DLEU7: variants seen among roughly 807,000 people sequenced by gnomAD.
DLEU7 encodes leukemia-associated protein 7.
A neutral mutation model predicts 16.0 loss-of-function variants in DLEU7; 17 were observed. That is an observed-to-expected ratio of 1.06 (90% confidence interval 0.73 to 1.59). DLEU7 has a LOEUF of 1.59. DLEU7 is among the 40% of genes most tolerant of loss of function. The probability of loss-of-function intolerance (pLI) is 0.00; values close to 1 mark genes in which losing one functional copy is unlikely to be tolerated. For synonymous variants in DLEU7, 113 were observed against 139.8 expected (o/e 0.81, Z 1.35); for missense variants, 308 against 314.9 (o/e 0.98, Z 0.17).
At chr13:50,763,451 G>T (rs562337582) in intron 1 of DLEU7, among the ~76,000 whole-genome samples, 1 of 152,312 alleles carries the variant, frequency 6.6e-6, no homozygotes, top group Non-Finnish European at 1.5e-5. Context: ...AGCCTGTGCA[G>T]ATGGAAGAAG....
intron 1 of DLEU7, among the ~76,000 whole-genome samples, chr13:50,781,631 A>G (rs1875650140): frequency 6.6e-6 from 1 of 152,154 alleles, no homozygotes; most frequent in Non-Finnish European, 1.5e-5. Context: ...AGCCCTTTTT[A>G]TGGCTCCTTA....
chr13:50,745,356 TAGTC>T (rs1213613746), intron 1 of DLEU7, among the ~76,000 whole-genome samples: 3 of 152,162 alleles, frequency 2.0e-5, no homozygotes, highest in Non-Finnish European at 2.9e-5. Context: ...GAAGTTAACA[TAGTC>T]AGATTTGCTG....
At chr13:50,727,609 A>G (rs536216211) in intron 1 of DLEU7, among the ~76,000 whole-genome samples, 7 of 152,012 alleles carry the variant, frequency 4.6e-5, no homozygotes, top group Non-Finnish European at 1.0e-4. Flanking sequence ...ACATCCCCCT[A>G]AGGCCTGGGC....
chr13:50,741,442 G>T (rs1874247094), intron 1 of DLEU7, among the ~76,000 whole-genome samples: 1 of 152,142 alleles, frequency 6.6e-6, no homozygotes, highest in Admixed American at 6.5e-5. Context: ...CTCTTGGGCT[G>T]GGCCCCAGGA....
intron 1 of DLEU7, among the ~76,000 whole-genome samples, chr13:50,738,981 A>G (rs1461261118): frequency 7.7e-6 from 1 of 129,824 alleles, no homozygotes; most frequent in Non-Finnish European, 1.5e-5. Flanking sequence ...ACACACACAC[A>G]CACACACACA....
rs201975974 is a variant in DLEU7, at chr13:50,798,249, C to T, written c.459+44939G>A. On this transcript the variant is annotated intron_variant, in intron 1 of 1. Coordinates refer to the DLEU7 transcript ENST00000400393. Reference sequence around the variant, plus strand: ...CCACATGAAATGAAATGTATATTTACAACTCATTCAAAATAAATAGCACAT... The same window carrying T: ...CCACATGAAATGAAATGTATATTTATAACTCATTCAAAATAAATAGCACAT... 6.6e-5 allele frequency among the ~76,000 whole-genome samples: 10 copies of T among 152,306 alleles called. No homozygotes were observed. The East Asian group carries it at 1.2e-3, about 18-fold the overall frequency.
At chr13:50,738,976 C>T (rs1593535381) in intron 1 of DLEU7, among the ~76,000 whole-genome samples, 1 of 103,422 alleles carries the variant, frequency 9.7e-6, no homozygotes, top group South Asian at 2.4e-4. Context: ...CACACACACA[C>T]ACACACACAC....
intron 1 of DLEU7, among the ~76,000 whole-genome samples, chr13:50,735,062 C>T (rs1383690807): frequency 2.6e-5 from 4 of 151,966 alleles, no homozygotes; most frequent in Non-Finnish European, 5.9e-5. Context: ...TAAAAAGGGA[C>T]ATTTCATAAT....
chr13:50,721,300 C>G lies in DLEU7; in HGVS notation c.460-8060G>C, dbSNP rs373158508. 7.2e-4 allele frequency among the ~76,000 whole-genome samples: 110 copies of G among 152,296 alleles called. 1 individual carries two copies. The South Asian group carries it at 0.022, about 31-fold the overall frequency. On this transcript the variant is annotated intron_variant, in intron 1 of 1. Coordinates refer to the DLEU7 transcript ENST00000400393. ...GAAGGATACACTGTCAGCTTCCCTA[C>G]TTTTGGGGTTTTGGGACTGGGACTG...
intron 1 of DLEU7, among the ~76,000 whole-genome samples, chr13:50,722,363 C>G (rs1299814880): frequency 6.6e-6 from 1 of 152,210 alleles, no homozygotes; most frequent in Non-Finnish European, 1.5e-5. Context: ...TAAACTTCTT[C>G]TCTATTACAC....
chr13:50,757,559 G>A (rs1389781369), intron 1 of DLEU7, among the ~76,000 whole-genome samples: 4 of 152,062 alleles, frequency 2.6e-5, no homozygotes, highest in African/African-American at 7.2e-5. Context: ...AAACTCGAGC[G>A]CTCACACCTT....
chr13:50,753,353 C>T (rs1004979871), intron 1 of DLEU7, among the ~76,000 whole-genome samples: 5 of 152,214 alleles, frequency 3.3e-5, no homozygotes, highest in Non-Finnish European at 5.9e-5. Flanking sequence ...CGCCCTGGAG[C>T]AGGGGGCGGC....
At chr13:50,792,943 G>A (rs1342677051) in intron 1 of DLEU7, among the ~76,000 whole-genome samples, 4 of 151,388 alleles carry the variant, frequency 2.6e-5, no homozygotes, top group African/African-American at 9.7e-5. Context: ...GTGTGATGCC[G>A]AGGTTTGGAA....
intron 1 of DLEU7, among the ~76,000 whole-genome samples, chr13:50,782,778 A>G (rs1460161924): frequency 4.1e-5 from 6 of 146,034 alleles, no homozygotes; most frequent in Non-Finnish European, 8.9e-5. Flanking sequence ...TCTACAGAAA[A>G]AAAAAAAAAA....
At chr13:50,733,721 A>T (rs1342284789) in intron 1 of DLEU7, among the ~76,000 whole-genome samples, 1 of 152,168 alleles carries the variant, frequency 6.6e-6, no homozygotes, top group Non-Finnish European at 1.5e-5. Flanking sequence ...TTTCCTTCTA[A>T]TAAAGCCCAC....
intron 1 of DLEU7, among the ~76,000 whole-genome samples, chr13:50,788,251 C>A: frequency 6.6e-6 from 1 of 152,114 alleles, no homozygotes; most frequent in Admixed American, 6.5e-5. Flanking sequence ...GCTAGACACC[C>A]AGCAAACCAA....
intron 1 of DLEU7, among the ~76,000 whole-genome samples, chr13:50,722,907 G>T (rs1259358014): frequency 6.6e-6 from 1 of 152,122 alleles, no homozygotes; most frequent in Non-Finnish European, 1.5e-5. Context: ...TGGCAACCAG[G>T]ATATTGACAT....
chr13:50,752,821 A>G (rs543412586), intron 1 of DLEU7, among the ~76,000 whole-genome samples: 1 of 152,228 alleles, frequency 6.6e-6, no homozygotes, highest in South Asian at 2.1e-4. Flanking sequence ...GTGAAAGAAC[A>G]AAGCTTCCAC....
At chr13:50,711,784 G>T (rs1873298597), downstream of DLEU7, 1 of 123,516 alleles carries the variant, frequency 8.1e-6, no homozygotes, top group Non-Finnish European at 1.7e-5. Context: ...GGGGCGGGGG[G>T]CATTACTACC....
Sources: allele counts gnomAD v4.1 joint callset (sites outside exome capture counted in the v4.1 genomes callset), GRCh38; gene constraint gnomAD v4.1.1; transcripts MANE v1.5; gene names NCBI Gene and HGNC (gene_info 2026-07-23, HGNC 2026-07-21).